SYTL2: variants seen among roughly 807,000 people sequenced by gnomAD.
SYTL2 encodes synaptotagmin-like protein 2.
SYTL2 carries 165 observed loss-of-function variants against 198.7 expected under a neutral mutation model. The observed-to-expected ratio is 0.83, with a 90% CI of 0.73 to 0.94. SYTL2 has a LOEUF of 0.94. Among genes scored for constraint, SYTL2 ranks in the 40% least tolerant of loss-of-function variants. SYTL2 has a pLI of 0.00. For missense variants in SYTL2, 2,835 were observed against 2,582.8 expected, an observed-to-expected ratio of 1.10 and a Z score of -2.12; for synonymous variants, 966 against 917.7, an observed-to-expected ratio of 1.05 and a Z score of -0.95.
chr11:85,759,061 A>G (rs2092005268), intron 1 of SYTL2, among the ~76,000 whole-genome samples: 2 of 152,120 alleles, frequency 1.3e-5, no homozygotes, highest in South Asian at 4.1e-4. Context: ...CCTGACCAAC[A>G]TGGTGAAACC....
chr11:85,737,951 G>A (rs1055881442), intron 4 of SYTL2, among the ~76,000 whole-genome samples: 4 of 152,162 alleles, frequency 2.6e-5, no homozygotes, highest in South Asian at 2.1e-4. Context: ...GTGGGGAGAG[G>A]AACAACCTGC....
intron 2 of SYTL2, among the ~76,000 whole-genome samples, chr11:85,755,163 G>A (rs1195134561): frequency 2.0e-5 from 3 of 152,136 alleles, no homozygotes; most frequent in Admixed American, 6.5e-5. Context: ...TCCACCATCC[G>A]AGGAGCAGAA....
Position 85,725,660 on chromosome 11 carries a change from G to A in SYTL2, c.3698C>T (p.Ala1233Val), listed in dbSNP as rs760585849. 1.1e-5 allele frequency: 18 copies of A among 1,613,858 alleles called. No individual in the cohort carries two copies. Among genetic ancestry groups the A allele is most frequent in the African/African-American group, 6.7e-5 (5 of 74,926 alleles). ...TSPSPLQAKL[A>V]PVITGTNSKL... ...AGAGTTGGTTCCAGTGATAACAGGC[G>A]CCAACTTGGCTTGCAAGGGAGAGGG... The change falls in exon 8 of 20, where the codon GCG becomes GTG. Residue 1233 changes from alanine (A) to valine (V), a missense_variant. Around this residue, in one of 3 missense-constraint regions of SYTL2, gnomAD observed 2,645 missense variants for 2,381.7 expected, o/e 1.11. Coordinates refer to ENST00000359152, the MANE Select transcript of SYTL2 (RefSeq NM_206927.4).
chr11:85,801,588 T>G (rs184235768), intron 1 of SYTL2, among the ~76,000 whole-genome samples: 16 of 152,338 alleles, frequency 1.1e-4, no homozygotes, highest in African/African-American at 3.6e-4. Context: ...AGTATGCCAA[T>G]CAACCCCAAA....
At chr11:85,840,702 A>G in the SYTL2 span, among the ~76,000 whole-genome samples, 3 of 152,172 alleles carry the variant, frequency 2.0e-5, no homozygotes, top group Non-Finnish European at 4.4e-5. Flanking sequence ...CCCCTTCCTA[A>G]CATCAAAATT....
rs1010500073 is a variant in SYTL2, at chr11:85,727,554, C to T, written c.1804G>A (p.Glu602Lys). Residue 602 changes from glutamate (E) to lysine (K), a missense_variant, in exon 8 of 20, where the codon GAA (glutamate) becomes AAA (lysine). Glu to Lys is a moderately conservative substitution (Grantham distance 56). Transcript: ENST00000359152. ...TTCACATTATTATCTTGGCAACTTT[C>T]AGAAACCAGCATATCTCCCTCTGCT... is the stretch of plus-strand genomic sequence containing the variant. ...FQAEGDMLVS[E>K]SCQDNNVNIK... 22 of 1,535,930 alleles carry T rather than the reference C, an allele frequency of 1.4e-5. No individual in the cohort carries two copies. The highest frequency in any genetic ancestry group is 2.4e-5 in the South Asian group (2 of 84,052).
In SYTL2 at chr11:85,727,797, T is replaced by G. The variant is rs1215006375; in HGVS notation, c.1561A>C (p.Lys521Gln). The change falls in exon 8 of 20, where the codon AAA becomes CAA. Residue 521 changes from lysine to glutamine, a missense_variant. Around this residue, in one of 3 missense-constraint regions of SYTL2, gnomAD observed 2,645 missense variants for 2,381.7 expected, o/e 1.11. Coordinates refer to ENST00000359152, the MANE Select transcript of SYTL2 (RefSeq NM_206927.4). ...CTTCGGTTAAACCAGTCTAGAACTT[T>G]AAATATGGAATCATCAGTTGACTTC... is the stretch of plus-strand genomic sequence containing the variant. ...IKKSTDDSIF[K>Q]VLDWFNRSSY... 1 of 1,600,704 alleles carries G rather than the reference T, an allele frequency of 6.2e-7. No homozygotes were observed. The highest frequency in any genetic ancestry group is 1.3e-5 in the African/African-American group (1 of 74,498).
At chr11:85,777,985 C>T (rs2092485636) in intron 1 of SYTL2, among the ~76,000 whole-genome samples, 1 of 151,642 alleles carries the variant, frequency 6.6e-6, no homozygotes, top group Non-Finnish European at 1.5e-5. Flanking sequence ...ATGCAGGCTA[C>T]TTTTTGTATT....
At chr11:85,829,755 T>C in the SYTL2 span, among the ~76,000 whole-genome samples, 10 of 152,358 alleles carry the variant, frequency 6.6e-5, no homozygotes, top group East Asian at 1.9e-3. Flanking sequence ...TGTACTATGG[T>C]ATCTCATTGT....
At chr11:85,760,280 G>A (rs1215155044) in intron 1 of SYTL2, among the ~76,000 whole-genome samples, 1 of 152,146 alleles carries the variant, frequency 6.6e-6, no homozygotes, top group Non-Finnish European at 1.5e-5. Flanking sequence ...ATTTGTTGTT[G>A]GAAGCCACTG....
intron 1 of SYTL2, among the ~76,000 whole-genome samples, chr11:85,804,688 G>A (rs2092934561): frequency 6.6e-6 from 1 of 152,144 alleles, no homozygotes; most frequent in African/African-American, 2.4e-5. Flanking sequence ...TCAGTCTGAA[G>A]CAATTAGACG....
At chr11:85,709,090 G>A (rs1050726575) in intron 14 of SYTL2, among the ~76,000 whole-genome samples, 75 of 151,894 alleles carry the variant, frequency 4.9e-4, no homozygotes, top group African/African-American at 1.7e-3. Context: ...CGCCCGCCTC[G>A]GCCTCCCAAA....
intron 13 of SYTL2, among the ~76,000 whole-genome samples, chr11:85,710,115 C>A (rs971707635): frequency 2.0e-5 from 3 of 152,176 alleles, no homozygotes; most frequent in African/African-American, 7.2e-5. Context: ...CATTTTCTGG[C>A]ATGCTTAATA....
intron 17 of SYTL2, among the ~76,000 whole-genome samples, chr11:85,699,653 A>G (rs1565842209): frequency 6.6e-6 from 1 of 152,110 alleles, no homozygotes; most frequent in Non-Finnish European, 1.5e-5. Flanking sequence ...TATTTCTTCC[A>G]TCTCACTAGC....
chr11:85,747,161 A>G (rs1854023566), intron 3 of SYTL2, among the ~76,000 whole-genome samples: 1 of 152,206 alleles, frequency 6.6e-6, no homozygotes, highest in Admixed American at 6.5e-5. Flanking sequence ...CAAGCCCTCA[A>G]AAGATTGCCT....
intron 1 of SYTL2, among the ~76,000 whole-genome samples, chr11:85,769,789 G>T (rs773082131): frequency 6.6e-6 from 1 of 152,170 alleles, no homozygotes; most frequent in Non-Finnish European, 1.5e-5. Flanking sequence ...TCCAGTAGCG[G>T]TGGGCTGGAC....
intron 9 of SYTL2, chr11:85,719,143 C>T (rs2087860890): frequency 7.1e-7 from 1 of 1,412,198 alleles, no homozygotes; most frequent in African/African-American, 1.4e-5. Context: ...AAGCACGGGG[C>T]TGCAACAGCC....
chr11:85,802,957 T>C (rs945498160), intron 1 of SYTL2, among the ~76,000 whole-genome samples: 2 of 152,236 alleles, frequency 1.3e-5, no homozygotes, highest in African/African-American at 4.8e-5. Context: ...AAGTGGCCTC[T>C]ATGGGAAACA....
Position 85,726,749 on chromosome 11 carries a change from T to C in SYTL2, c.2609A>G (p.Asn870Ser). The stretch of plus-strand genomic sequence containing the variant: ...TTTAGATTTATTTGAGGAATAAGAA[T>C]TGGAGAGCTGGGATGCTTGATCATC... The part of the protein sequence containing the change: ...DEDDQASQLS[N>S]SYSSNKSKET... The change falls in exon 8 of 20, where the codon AAT becomes AGT. Residue 870 changes from asparagine (N) to serine (S), a missense_variant. Asn to Ser is a conservative substitution (Grantham distance 46, BLOSUM62 1). Around this residue, in one of 3 missense-constraint regions of SYTL2, gnomAD observed 2,645 missense variants for 2,381.7 expected, o/e 1.11. Coordinates refer to ENST00000359152, the MANE Select transcript of SYTL2 (RefSeq NM_206927.4). The C allele has an allele frequency of 2.0e-6, 3 of 1,536,140 alleles. No individual in the cohort carries two copies. Among genetic ancestry groups the C allele is most frequent in the Non-Finnish European group, 2.6e-6 (3 of 1,146,892 alleles).
Sources: allele counts gnomAD v4.1 joint callset (sites outside exome capture counted in the v4.1 genomes callset), GRCh38; gene constraint gnomAD v4.1.1; regional missense constraint gnomAD v4.1.1; transcripts MANE v1.5; gene names NCBI Gene and HGNC (gene_info 2026-07-23, HGNC 2026-07-21).